TMEM63A: variants seen among roughly 807,000 people sequenced by gnomAD.
The protein encoded by TMEM63A is transmembrane protein 63A.
TMEM63A carries 76 observed loss-of-function variants against 100.6 expected under a neutral mutation model. The ratio of observed to expected loss-of-function variants is 0.76; its 90% CI spans 0.63 to 0.91. The LOEUF (loss-of-function observed/expected upper bound fraction) is 0.91, where lower values mean the gene tolerates loss of function less well. Among genes scored for constraint, TMEM63A ranks in the 40% least tolerant of loss-of-function variants. The pLI, the probability that TMEM63A is intolerant of heterozygous loss-of-function variation, is 0.00. For synonymous variants in TMEM63A, 401 were observed against 401.1 expected (o/e 1.00, Z 0.00); for missense variants, 876 against 1,008.8 (o/e 0.87, Z 1.78).
rs1467076890 is a variant in TMEM63A, at chr1:225,853,976, G to A, written c.1635-185C>T. On this transcript the variant is annotated intron_variant, in intron 18 of 24. Transcript: ENST00000366835. The surrounding 1 kb of genome is among the most constrained non-coding windows in gnomAD (Gnocchi z 4.0). The stretch of plus-strand genomic sequence containing the variant: ...TTCTAGGCACTGAGAATAGAACAAA[G>A]CCCCTGCGCCACTCTCTTGAAGTTC... Among the ~76,000 whole-genome samples, 1 of 152,156 alleles carries A rather than the reference G, an allele frequency of 6.6e-6. No individual in the cohort carries two copies. The highest frequency in any genetic ancestry group is 2.4e-5 in the African/African-American group (1 of 41,434).
intron 3 of TMEM63A, 30 bp from the exon 4 acceptor site, chr1:225,874,397 C>A (rs1470787586): frequency 1.3e-6 from 2 of 1,593,384 alleles, no homozygotes; most frequent in East Asian, 2.2e-5. Context: ...CAAGTAAAAG[C>A]ATATTGGATG....
downstream of TMEM63A, among the ~76,000 whole-genome samples, chr1:225,841,470 G>GA (rs1559025939): frequency 6.6e-6 from 1 of 151,062 alleles, no homozygotes; most frequent in African/African-American, 2.4e-5. Flanking sequence ...TTTTAGTAGA[G>GA]ACGGGGTTTT....
chr1:225,856,738 C>A lies in TMEM63A; in HGVS notation c.1485G>T (p.Lys495Asn), dbSNP rs979972451. The change falls in exon 17 of 25, where the codon AAG (lysine) becomes AAT (asparagine). Residue 495 changes from lysine to asparagine, a missense_variant and splice_region_variant. Physicochemically the swap from Lys to Asn is moderately conservative, Grantham distance 94. This residue lies in a region of TMEM63A where 487 missense variants were observed against 581.9 expected (regional missense o/e 0.84). Transcript: ENST00000366835. ...YSTLLESHWT[K>N]SGENQIMMTK... ...TCATCATGATCTGGTTTTCCCCCGA[C>A]CTGCAGGAAGTCAAAGGTGAGCACT... is the stretch of plus-strand genomic sequence containing the variant. 1 of 1,613,246 alleles carries A rather than the reference C, an allele frequency of 6.2e-7. No homozygotes were observed. The highest frequency in any genetic ancestry group is 1.3e-5 in the African/African-American group (1 of 74,886).
Position 225,866,650 on chromosome 1 carries a change from G to A in TMEM63A, c.599C>T (p.Ala200Val). The change falls in exon 9 of 25, where the codon GCT becomes GTT. Residue 200 changes from alanine (A) to valine (V), a missense_variant. By Grantham distance (64) the Ala-to-Val change is moderately conservative. Coordinates refer to ENST00000366835, the MANE Select transcript of TMEM63A (RefSeq NM_014698.3). The stretch of plus-strand genomic sequence containing the variant: ...CACAGTGAGGAAGAGGTAAATGACA[G>A]CAAAGATGGTGTGCAGCCAAAGGAG... ...NDLLWLHTIF[A>V]VIYLFLTVGF... 6.2e-7 allele frequency: 1 copy of A among 1,614,158 alleles called. No homozygotes were observed. The highest frequency in any genetic ancestry group is 8.5e-7 in the Non-Finnish European group (1 of 1,180,012).
chr1:225,868,304 C>A (rs773060006), intron 6 of TMEM63A, among the ~76,000 whole-genome samples: 5 of 152,086 alleles, frequency 3.3e-5, no homozygotes, highest in Non-Finnish European at 7.4e-5. Context: ...AACATTTGTG[C>A]CCAAGTTACG....
rs1462723910 is a variant in TMEM63A, at chr1:225,859,238, G to A, written c.1335C>T (p.Thr445=). 6.2e-7 allele frequency: 1 copy of A among 1,614,114 alleles called. No individual in the cohort carries two copies. The highest frequency in any genetic ancestry group is 8.5e-7 in the Non-Finnish European group (1 of 1,180,026). The change falls in exon 15 of 25, where the codon ACC becomes ACT. Residue 445 remains threonine, a synonymous_variant. Transcript: ENST00000366835. The stretch of plus-strand genomic sequence containing the variant: ...GTTTGGTGACATTAAACTTGTCCAT[G>A]GTGGACAGGATGATGGAGGGTGTGG... The part of the protein sequence containing the change: ...FLTTPSIILS[T]MDKFNVTKPI...
chr1:225,875,526 G>T (rs1670738578), intron 3 of TMEM63A, among the ~76,000 whole-genome samples: 1 of 152,200 alleles, frequency 6.6e-6, no homozygotes, highest in Non-Finnish European at 1.5e-5. Context: ...GAACCCCAGA[G>T]GCACTGAGTT....
Position 225,847,135 on chromosome 1 carries a change from A to C in TMEM63A, c.2329T>G (p.Tyr777Asp). Residue 777 changes from tyrosine to aspartate, a missense_variant, in exon 24 of 25, where the codon TAT becomes GAT. Tyr to Asp is a radical substitution (Grantham distance 160, BLOSUM62 -3). Transcript: ENST00000366835. ...CCGCTGATGTTGTGGATGGCACCATAGGTCTGCTGCTGCTGCTGCTGCGGA... is the reference window on the plus strand; with the variant it reads ...CCGCTGATGTTGTGGATGGCACCATCGGTCTGCTGCTGCTGCTGCTGCGGA... ...LSPQQQQQQT[Y>D]GAIHNISGTI... is the part of the protein sequence containing the mutation. 2 of 1,612,444 alleles carry C rather than the reference A, an allele frequency of 1.2e-6. No homozygotes were observed. The highest frequency in any genetic ancestry group is 1.7e-6 in the Non-Finnish European group (2 of 1,178,764).
chr1:225,870,654 T>C, intron 6 of TMEM63A, among the ~76,000 whole-genome samples: 1 of 152,234 alleles, frequency 6.6e-6, no homozygotes, highest in East Asian at 1.9e-4. Context: ...TGACATCTAA[T>C]TGGTGTTAAA....
chr1:225,843,837 G>C (rs1668649928), downstream of TMEM63A, among the ~76,000 whole-genome samples: 1 of 152,226 alleles, frequency 6.6e-6, no homozygotes. Context: ...ACTGGAACTA[G>C]TTTTCATTGA....
rs1397482436 is a variant in TMEM63A, at chr1:225,847,178, C to CGAG, written c.2283_2285dup (p.Ser762dup). The CGAG allele has an allele frequency of 6.2e-7, 1 of 1,613,212 alleles. No homozygotes were observed. The highest frequency in any genetic ancestry group is 1.3e-5 in the African/African-American group (1 of 74,932). On this transcript the variant is annotated inframe_insertion, in exon 24 of 25. Transcript: ENST00000366835. Reference sequence around the variant, plus strand: ...GCTGCGGAGACAGTGCTGTCCTCTCCGAGGCCAAGCCGTTCAGAATCCGAG... The same window carrying CGAG: ...GCTGCGGAGACAGTGCTGTCCTCTCCGAGGAGGCCAAGCCGTTCAGAATCCGAG...
intron 1 of TMEM63A, among the ~76,000 whole-genome samples, chr1:225,880,569 T>C (rs1671039384): frequency 6.6e-6 from 1 of 152,134 alleles, no homozygotes; most frequent in Non-Finnish European, 1.5e-5. Flanking sequence ...TGTATGTGAA[T>C]GCCTAGCACT....
At chr1:225,852,173 A>C (rs1669377013) in intron 20 of TMEM63A, among the ~76,000 whole-genome samples, 1 of 152,286 alleles carries the variant, frequency 6.6e-6, no homozygotes, top group Non-Finnish European at 1.5e-5. Flanking sequence ...GCTGAGGGCC[A>C]GTGGGAGGAA....
At position 225,852,704 on chromosome 1, in the gene TMEM63A, G is replaced by A. The variant is rs989478655; in HGVS notation, c.1863C>T (p.Ile621=). ...YAWMLCVFTV[I]VAYSITCPII... Reference sequence around the variant, plus strand: ...TGGGACAAGTGATGCTGTAGGCCACGATGACAGTGAAGACACACAGCATCC... The same window carrying A: ...TGGGACAAGTGATGCTGTAGGCCACAATGACAGTGAAGACACACAGCATCC... Residue 621 remains isoleucine, a synonymous_variant, in exon 20 of 25, where the codon ATC becomes ATT. Coordinates refer to ENST00000366835, the MANE Select transcript of TMEM63A (RefSeq NM_014698.3). 1 of 1,613,716 alleles carries A rather than the reference G, an allele frequency of 6.2e-7. No homozygotes were observed. The highest frequency in any genetic ancestry group is 8.5e-7 in the Non-Finnish European group (1 of 1,180,022).
intron 22 of TMEM63A, among the ~76,000 whole-genome samples, 155 bp from the exon 23 acceptor site, chr1:225,848,709 G>A (rs1669158830): frequency 1.3e-5 from 2 of 152,184 alleles, no homozygotes; most frequent in African/African-American, 4.8e-5. Context: ...GGGGAGTGCA[G>A]GGATGAGGGG....
At chr1:225,875,141 G>A (rs188400552) in intron 3 of TMEM63A, among the ~76,000 whole-genome samples, 147 of 152,302 alleles carry the variant, frequency 9.7e-4, no homozygotes, top group African/African-American at 3.3e-3. Context: ...GGCAGGCCCC[G>A]CAGGCCCTGC....
At chr1:225,845,328 C>A (rs377404367), downstream of TMEM63A, 6 of 1,611,180 alleles carry the variant, frequency 3.7e-6, no homozygotes, top group African/African-American at 1.3e-5. Context: ...AAGTTCCTGT[C>A]GGTGCTGGAG....
downstream of TMEM63A, among the ~76,000 whole-genome samples, chr1:225,842,988 C>T (rs1478917023): frequency 1.3e-5 from 2 of 152,222 alleles, no homozygotes; most frequent in African/African-American, 4.8e-5. Context: ...CCACCCTTTC[C>T]AGGGCCCATC....
rs924307909 is a variant in TMEM63A, at chr1:225,853,528, C to T, written c.1797+101G>A. 8 of 1,217,872 alleles carry T rather than the reference C, an allele frequency of 6.6e-6. No individual in the cohort carries two copies. The highest frequency in any genetic ancestry group is 5.4e-5 in the East Asian group (2 of 36,768). 75.4% of individuals were successfully genotyped at this position (1,217,872 alleles called of 1,614,324 possible). A position where few individuals can be genotyped will look rare whatever the true frequency, so the allele number is the denominator to read the frequency against. ...GCACTAGTGGGTAGTCAGGTAAATG[C>T]TACCCACTAGTGGGGGTAGTGGGGG... On this transcript the variant is annotated intron_variant, in intron 19 of 24. Transcript: ENST00000366835. This position sits in a 1 kb window ranked among gnomAD's most constrained non-coding sequence, Gnocchi z 4.0.
Sources: allele counts gnomAD v4.1 joint callset (sites outside exome capture counted in the v4.1 genomes callset), GRCh38; gene constraint gnomAD v4.1.1; regional missense constraint gnomAD v4.1.1; non-coding constraint Gnocchi (gnomAD v3.1); transcripts MANE v1.5; gene names NCBI Gene and HGNC (gene_info 2026-07-23, HGNC 2026-07-21).